Variants in SOX6 observed in about 807,000 individuals in gnomAD.
SOX6 encodes transcription factor SOX-6.
SOX6 carries 11 observed loss-of-function variants against 97.8 expected under a neutral mutation model. The observed-to-expected ratio is 0.11, with a 90% CI of 0.07 to 0.19. The LOEUF is 0.19. Among genes scored for constraint, SOX6 ranks in the 10% least tolerant of loss-of-function variants. The pLI is 1.00. For synonymous variants in SOX6, 360 were observed against 371.4 expected, an observed-to-expected ratio of 0.97 and a Z score of 0.35; for missense variants, 810 against 1,039.5, an observed-to-expected ratio of 0.78 and a Z score of 3.04.
chr11:16,015,327 C>G, intron 12 of SOX6: 1 of 466,622 alleles, frequency 2.1e-6, no homozygotes, highest in East Asian at 4.2e-5. Flanking sequence ...CGGATTTGCT[C>G]CAGTAATCTA....
chr11:16,114,137 G>A (rs1204543804), intron 6 of SOX6, among the ~76,000 whole-genome samples: 3 of 152,108 alleles, frequency 2.0e-5, no homozygotes, highest in Non-Finnish European at 4.4e-5. Context: ...ATAACCTTTA[G>A]AGCCTTTCCA....
intron 6 of SOX6, among the ~76,000 whole-genome samples, chr11:16,166,684 T>G (rs1850895351): frequency 6.6e-6 from 1 of 152,156 alleles, no homozygotes; most frequent in African/African-American, 2.4e-5. Flanking sequence ...GAGAAAGAGA[T>G]AACCTTGACT....
intron 9 of SOX6, among the ~76,000 whole-genome samples, chr11:16,087,791 A>G (rs1848608803): frequency 6.6e-6 from 1 of 152,098 alleles, no homozygotes; most frequent in Non-Finnish European, 1.5e-5. Context: ...CTCCCACTAG[A>G]AGGTAAAATT....
intron 4 of SOX6, among the ~76,000 whole-genome samples, chr11:16,497,487 GAGA>G (rs200496225): frequency 0.016 from 2,448 of 152,250 alleles, 69 homozygotes; most frequent in African/African-American, 0.056. Flanking sequence ...GATAAGTTGA[GAGA>G]AGAAGGCTTC....
chr11:15,989,198 G>C lies in SOX6; in HGVS notation c.1765C>G (p.Leu589Val). ...SKAMNGSAAKLQQYYCWPTGG... is the reference protein window; with the variant it reads ...SKAMNGSAAKVQQYYCWPTGG... The stretch of plus-strand genomic sequence containing the variant: ...GTTGGCCAACAATAATACTGCTGTA[G>C]TTTAGCTGCAGAGCCATTCATTGCT... The change falls in exon 14 of 16, where the codon CTA (leucine) becomes GTA (valine). Residue 589 changes from leucine (L) to valine (V), a missense_variant. Physicochemically the swap from Leu to Val is conservative, Grantham distance 32. This residue lies in a region of SOX6 where 120 missense variants were observed against 127.0 expected (regional missense o/e 0.94). Transcript: ENST00000683767. The C allele has an allele frequency of 6.2e-7, 1 of 1,612,358 alleles. No individual in the cohort carries two copies. Among genetic ancestry groups the C allele is most frequent in the Non-Finnish European group, 8.5e-7 (1 of 1,178,552 alleles).
chr11:16,625,069 G>A (rs959622500), intron 3 of SOX6, among the ~76,000 whole-genome samples: 1 of 152,112 alleles, frequency 6.6e-6, no homozygotes, highest in African/African-American at 2.4e-5. Flanking sequence ...CCATGGCTGT[G>A]ACTCCTCTAT....
intron 1 of SOX6, among the ~76,000 whole-genome samples, chr11:16,371,474 T>A (rs212445): frequency 0.99 from 148,992 of 149,968 alleles, 74,017 homozygotes; most frequent in Non-Finnish European, 1. Flanking sequence ...TTCTTTTTTT[T>A]AAAAAAAAAT....
intron 6 of SOX6, among the ~76,000 whole-genome samples, chr11:16,142,609 T>G (rs1224318524): frequency 1.3e-5 from 2 of 151,874 alleles, no homozygotes; most frequent in Non-Finnish European, 2.9e-5. Flanking sequence ...CTTGAAAAAA[T>G]ATTAGACGAA....
intron 12 of SOX6, among the ~76,000 whole-genome samples, chr11:16,024,108 A>C (rs549287988): frequency 1.1e-4 from 16 of 152,242 alleles, no homozygotes; most frequent in Non-Finnish European, 1.8e-4. Flanking sequence ...CGAAGGGTAC[A>C]TCTGGACACA....
chr11:16,630,839 C>A (rs1848696728), intron 3 of SOX6, among the ~76,000 whole-genome samples: 1 of 152,144 alleles, frequency 6.6e-6, no homozygotes, highest in South Asian at 2.1e-4. Flanking sequence ...TTATATAATG[C>A]CTTTCTTTGT....
intron 3 of SOX6, among the ~76,000 whole-genome samples, chr11:16,645,430 T>C (rs762086242): frequency 5.3e-5 from 8 of 152,210 alleles, no homozygotes; most frequent in Non-Finnish European, 8.8e-5. Flanking sequence ...ATTTATGTAT[T>C]AGTGTTATGG....
rs1848380576 is a variant in SOX6 at position 16,610,239 on chromosome 11, A to G, written n.609+1842T>C. ...TGAAGGACCTGTCCTAAATGCCTGC[A>G]GAGAGGAGACAGGTGTAGATTAAGT... On this transcript the variant is annotated intron_variant and non_coding_transcript_variant, in intron 4 of 5. Transcript: ENST00000524520. This position sits in a 1 kb window ranked among gnomAD's most constrained non-coding sequence, Gnocchi z 4.4. Among the ~76,000 whole-genome samples the G allele has an allele frequency of 1.3e-5, 2 of 152,270 alleles. No individual in the cohort carries two copies. Among genetic ancestry groups the G allele is most frequent in the Non-Finnish European group, 2.9e-5 (2 of 68,048 alleles).
At chr11:16,498,607 G>A (rs1343319636) in intron 4 of SOX6, among the ~76,000 whole-genome samples, 2 of 152,124 alleles carry the variant, frequency 1.3e-5, no homozygotes, top group African/African-American at 4.8e-5. Flanking sequence ...TAAAGGGATG[G>A]AGGAAGATCT....
intron 3 of SOX6, among the ~76,000 whole-genome samples, chr11:16,273,574 T>C (rs1854316431): frequency 2.0e-5 from 3 of 151,820 alleles, no homozygotes; most frequent in Admixed American, 2.0e-4. Context: ...TCTACCTCAA[T>C]ATTTTTTCAC....
intron 6 of SOX6, among the ~76,000 whole-genome samples, chr11:16,121,264 T>C (rs1849483444): frequency 6.6e-6 from 1 of 152,094 alleles, no homozygotes; most frequent in Non-Finnish European, 1.5e-5. Flanking sequence ...TAATTCCTAG[T>C]ATCTCTTACT....
intron 4 of SOX6, among the ~76,000 whole-genome samples, chr11:16,579,613 A>G (rs943770164): frequency 1.3e-5 from 2 of 152,102 alleles, no homozygotes; most frequent in African/African-American, 4.8e-5. Flanking sequence ...TGTGAAAATC[A>G]TCTACGTTAT....
chr11:16,470,772 C>T (rs976593033), intron 1 of SOX6, among the ~76,000 whole-genome samples: 1 of 152,118 alleles, frequency 6.6e-6, no homozygotes, highest in Non-Finnish European at 1.5e-5. Flanking sequence ...AATCCTGCTA[C>T]TCTGCAAAAA....
chr11:16,337,547 AG>A (rs1432407526), intron 2 of SOX6, among the ~76,000 whole-genome samples: 4 of 152,152 alleles, frequency 2.6e-5, no homozygotes, highest in African/African-American at 9.6e-5. Flanking sequence ...AGCACATTTT[AG>A]TGGACAGTGT....
intron 13 of SOX6, among the ~76,000 whole-genome samples, chr11:15,994,854 GA>G (rs545230617): frequency 2.6e-5 from 4 of 151,974 alleles, no homozygotes; most frequent in Non-Finnish European, 4.4e-5. Flanking sequence ...AACAAAATAT[GA>G]AAAAAACCCA....
Sources: gnomAD v4.1 joint callset for allele counts (sites outside exome capture counted in the v4.1 genomes callset) on GRCh38, gnomAD v4.1.1 for gene constraint, gnomAD v4.1.1 regional missense constraint, Gnocchi (gnomAD v3.1) non-coding constraint, MANE v1.5 for transcripts, NCBI Gene and HGNC (gene_info 2026-07-23, HGNC 2026-07-21) for gene names.